Variants in ANKRD55 observed in about 807,000 individuals in gnomAD.
ANKRD55 encodes the protein ankyrin repeat domain-containing protein 55.
In ANKRD55, 41 loss-of-function variants were observed where a neutral mutation model predicts 60.6. That is an observed-to-expected ratio of 0.68 (90% confidence interval 0.53 to 0.88). The LOEUF (loss-of-function observed/expected upper bound fraction) is 0.88. Among genes scored for constraint, ANKRD55 ranks in the 40% least tolerant of loss-of-function variants. ANKRD55 has a pLI of 0.00. For synonymous variants in ANKRD55, 264 were observed against 290.3 expected (o/e 0.91, Z 0.92); for missense variants, 732 against 767.6 (o/e 0.95, Z 0.55).
intron 3 of ANKRD55, among the ~76,000 whole-genome samples, chr5:56,180,847 T>G (rs1471031951): frequency 6.6e-6 from 1 of 152,162 alleles, no homozygotes; most frequent in Non-Finnish European, 1.5e-5. Flanking sequence ...TCCTTAGGAG[T>G]TCCTATGAAG....
intron 2 of ANKRD55, among the ~76,000 whole-genome samples, chr5:56,231,653 GCA>G (rs34225686): frequency 0.048 from 7,149 of 147,834 alleles, 152 homozygotes; most frequent in Middle Eastern, 0.076. Flanking sequence ...CTGAAGGCGC[GCA>G]CACACACACA....
At chr5:56,220,197 C>A (rs574958867) in intron 2 of ANKRD55, among the ~76,000 whole-genome samples, 3 of 152,238 alleles carry the variant, frequency 2.0e-5, no homozygotes, top group Non-Finnish European at 4.4e-5. Flanking sequence ...GCCCCCTCCC[C>A]CAGGACAGTT....
At chr5:56,100,408 A>G in intron 11 of ANKRD55, 104 bp from the exon 12 acceptor site, 1 of 1,420,584 alleles carries the variant, frequency 7.0e-7, no homozygotes, top group South Asian at 1.2e-5. Flanking sequence ...ATTTCTAAGA[A>G]GTGTGTCTTG....
chr5:56,143,642 C>T, intron 7 of ANKRD55, 159 bp downstream of exon 7: 1 of 966,368 alleles, frequency 1.0e-6, no homozygotes, highest in Non-Finnish European at 1.6e-6. Context: ...TATTTTATAA[C>T]TACTCCCCTT....
intron 2 of ANKRD55, among the ~76,000 whole-genome samples, chr5:56,223,441 T>A (rs1290784024): frequency 6.6e-6 from 1 of 152,096 alleles, no homozygotes; most frequent in East Asian, 1.9e-4. Context: ...AGAAACTGCA[T>A]CAACTAACAA....
chr5:56,157,852 C>G (rs182253478), intron 6 of ANKRD55, among the ~76,000 whole-genome samples: 1 of 152,070 alleles, frequency 6.6e-6, no homozygotes, highest in Non-Finnish European at 1.5e-5. Context: ...GCGCCAGTCC[C>G]GTGGGCCCAC....
chr5:56,136,050 C>T (rs1022389717), intron 7 of ANKRD55, among the ~76,000 whole-genome samples: 5 of 150,990 alleles, frequency 3.3e-5, no homozygotes, highest in African/African-American at 1.2e-4. Flanking sequence ...TGATGAAAAA[C>T]ATCAAAGAAC....
At chr5:56,194,616 A>G (rs1204770426) in intron 2 of ANKRD55, among the ~76,000 whole-genome samples, 1 of 152,138 alleles carries the variant, frequency 6.6e-6, no homozygotes, top group Non-Finnish European at 1.5e-5. Flanking sequence ...CCTTTACTGA[A>G]TCTCTGTTGT....
rs988626555 is a variant in ANKRD55 at position 56,107,600 on chromosome 5, T to C, written c.1630+3518A>G. Among the ~76,000 whole-genome samples, 10 of 152,256 alleles carry C rather than the reference T, an allele frequency of 6.6e-5. No homozygotes were observed. In the East Asian group the frequency reaches 1.9e-3, roughly 29 times the overall value. ...AAGACTCCTTGTTGATAGCTGTGAA[T>C]ATATGACCAAAGTTTAGAGGCCAAT... On this transcript the variant is annotated intron_variant, in intron 10 of 11. Transcript: ENST00000341048.
At chr5:56,181,113 C>G (rs188740490) in intron 3 of ANKRD55, among the ~76,000 whole-genome samples, 2 of 152,310 alleles carry the variant, frequency 1.3e-5, no homozygotes, top group East Asian at 3.9e-4. Context: ...GGCAGAATTG[C>G]TTGAACCCGG....
chr5:56,159,788 C>A, intron 6 of ANKRD55, 45 bp downstream of exon 6: 1 of 1,593,264 alleles, frequency 6.3e-7, no homozygotes, highest in Non-Finnish European at 8.6e-7. Flanking sequence ...TTCCTTTCAC[C>A]CTCACATGCA....
intron 5 of ANKRD55, chr5:56,161,009 A>G (rs1758314760): frequency 1.3e-5 from 2 of 152,330 alleles, no homozygotes; most frequent in South Asian, 4.1e-4. Context: ...ACTACCTATC[A>G]CACAGCTCAG....
intron 3 of ANKRD55, among the ~76,000 whole-genome samples, chr5:56,182,438 T>C (rs1391375568): frequency 6.6e-6 from 1 of 152,224 alleles, no homozygotes; most frequent in Non-Finnish European, 1.5e-5. Flanking sequence ...CATTTGGTTT[T>C]TCCTTATGTC....
At position 56,212,049 on chromosome 5, in the gene ANKRD55, GACACAC is replaced by G. The variant is rs200349739; in HGVS notation, c.58+20801_58+20806del. ...TCTAAGATTAGCATAAACTGGTAAA[GACACAC>G]ACACACACACACACACACACACACA... On this transcript the variant is annotated intron_variant, in intron 2 of 11. Coordinates refer to ENST00000341048, the MANE Select transcript of ANKRD55 (RefSeq NM_024669.3). Among the ~76,000 whole-genome samples the G allele has an allele frequency of 6.1e-3, 792 of 130,216 alleles. 4 individuals carry two copies. The highest frequency in any genetic ancestry group is 0.015 in the Middle Eastern group (4 of 274). The allele number at this position is 130,216 out of a possible 152,430, so 85.4% of individuals were successfully genotyped here. A position where few individuals can be genotyped will look rare whatever the true frequency, so the allele number is the denominator to read the frequency against.
intron 2 of ANKRD55, among the ~76,000 whole-genome samples, chr5:56,189,616 G>A (rs1458741152): frequency 6.6e-6 from 1 of 152,142 alleles, no homozygotes; most frequent in Non-Finnish European, 1.5e-5. Context: ...TTAGCATAAT[G>A]TCCTCAAGGT....
chr5:56,116,840 C>G, intron 8 of ANKRD55, 58 bp from the exon 9 acceptor site: 8 of 1,448,606 alleles, frequency 5.5e-6, no homozygotes, highest in Non-Finnish European at 7.3e-6. Context: ...GTTCAGGCTG[C>G]TTAGCCAGCA....
chr5:56,214,382 C>G (rs750308381), intron 2 of ANKRD55, among the ~76,000 whole-genome samples: 2 of 152,170 alleles, frequency 1.3e-5, no homozygotes, highest in Non-Finnish European at 2.9e-5. Flanking sequence ...TCTGTGGGCC[C>G]GGCGTGGTGC....
At chr5:56,181,536 T>C (rs1328319257) in intron 3 of ANKRD55, among the ~76,000 whole-genome samples, 1 of 152,206 alleles carries the variant, frequency 6.6e-6, no homozygotes. Context: ...ATTGAACCAG[T>C]CTTACAGCCC....
At chr5:56,101,143 G>A (rs1400926241) in intron 11 of ANKRD55, among the ~76,000 whole-genome samples, 1 of 152,158 alleles carries the variant, frequency 6.6e-6, no homozygotes, top group African/African-American at 2.4e-5. Context: ...TACCTAAAGA[G>A]TTCTAGAGCT....
Sources: allele counts gnomAD v4.1 joint callset (sites outside exome capture counted in the v4.1 genomes callset), GRCh38; gene constraint gnomAD v4.1.1; transcripts MANE v1.5; gene names NCBI Gene and HGNC (gene_info 2026-07-23, HGNC 2026-07-21).